Variants in FNDC3A observed in about 807,000 individuals in gnomAD.
The protein encoded by FNDC3A is fibronectin type-III domain-containing protein 3A.
In FNDC3A, 32 loss-of-function variants were observed where a neutral mutation model predicts 148.9. The observed-to-expected ratio is 0.21, with a 90% CI of 0.16 to 0.29. The LOEUF is 0.29. Ranked by LOEUF, FNDC3A falls within the 10% of genes least tolerant of loss-of-function variation. The pLI is 1.00. For synonymous variants in FNDC3A, 472 were observed against 473.6 expected, an observed-to-expected ratio of 1.00 and a Z score of 0.04; for missense variants, 1,191 against 1,452.8, an observed-to-expected ratio of 0.82 and a Z score of 2.93.
intron 8 of FNDC3A, among the ~76,000 whole-genome samples, chr13:49,155,412 TTTTC>T (rs1247368332): frequency 1.3e-5 from 2 of 151,474 alleles, no homozygotes; most frequent in African/African-American, 4.9e-5. Context: ...TTCTCTCTTT[TTTTC>T]TTTATTAGTC....
At chr13:49,038,811 G>A (rs191957282) in intron 2 of FNDC3A, among the ~76,000 whole-genome samples, 1 of 152,276 alleles carries the variant, frequency 6.6e-6, no homozygotes, top group East Asian at 1.9e-4. Context: ...GGGATAAGGC[G>A]AGAAAGTTAA....
intron 2 of FNDC3A, among the ~76,000 whole-genome samples, chr13:49,030,529 G>A (rs1416577993): frequency 1.3e-5 from 2 of 152,044 alleles, no homozygotes; most frequent in Admixed American, 6.5e-5. Flanking sequence ...GGGCAAATAA[G>A]TAACTAAAGG....
intron 2 of FNDC3A, among the ~76,000 whole-genome samples, chr13:49,024,134 C>T (rs150941835): frequency 9.7e-4 from 147 of 151,758 alleles, no homozygotes; most frequent in African/African-American, 3.2e-3. Flanking sequence ...TAGAGGAAAT[C>T]GATAAATTAC....
intron 8 of FNDC3A, among the ~76,000 whole-genome samples, chr13:49,158,487 C>G (rs375443929): frequency 6.6e-6 from 1 of 152,192 alleles, no homozygotes; most frequent in African/African-American, 2.4e-5. Context: ...TCTTCTGCGT[C>G]GCTCACGCTG....
At position 49,095,054 on chromosome 13, in the gene FNDC3A, A is replaced by G. The variant is rs568753224; in HGVS notation, c.176-19601A>G. Among the ~76,000 whole-genome samples the G allele has an allele frequency of 1.3e-4, 20 of 152,122 alleles. No individual in the cohort carries two copies. The South Asian group carries it at 3.9e-3, about 30-fold the overall frequency. On this transcript the variant is annotated intron_variant, in intron 3 of 25. Coordinates refer to ENST00000492622, the MANE Select transcript of FNDC3A (RefSeq NM_001079673.2). ...TTTATACTTTACATATAATTTGATAATGTCAACATGAATTTCATAAATAAT... is the reference window on the plus strand; with the variant it reads ...TTTATACTTTACATATAATTTGATAGTGTCAACATGAATTTCATAAATAAT...
intron 11 of FNDC3A, among the ~76,000 whole-genome samples, chr13:49,174,025 G>A (rs1321050955): frequency 1.3e-5 from 2 of 152,094 alleles, no homozygotes; most frequent in Admixed American, 1.3e-4. Flanking sequence ...GTTTGGGCAT[G>A]GGTAAGGACC....
At chr13:49,020,346 G>GGAT (rs1262563428) in intron 2 of FNDC3A, among the ~76,000 whole-genome samples, 2 of 152,062 alleles carry the variant, frequency 1.3e-5, no homozygotes, top group African/African-American at 4.8e-5. Context: ...CTAAGAGAGG[G>GGAT]GATAAAAATT....
intron 1 of FNDC3A, among the ~76,000 whole-genome samples, chr13:48,977,381 G>A (rs1180278406): frequency 6.6e-6 from 1 of 152,200 alleles, no homozygotes; most frequent in Non-Finnish European, 1.5e-5. Flanking sequence ...ACCAGCTCCA[G>A]TACTAAACAT....
intron 7 of FNDC3A, among the ~76,000 whole-genome samples, chr13:49,140,415 A>T (rs892186874): frequency 6.6e-6 from 1 of 152,218 alleles, no homozygotes; most frequent in African/African-American, 2.4e-5. Context: ...CTTACTCAAC[A>T]TTAGGAAGAA....
chr13:49,032,998 C>G (rs1434497509), intron 2 of FNDC3A, among the ~76,000 whole-genome samples: 1 of 151,960 alleles, frequency 6.6e-6, no homozygotes, highest in Non-Finnish European at 1.5e-5. Flanking sequence ...TATTATCAAT[C>G]TTTCTTTGAT....
chr13:49,063,835 C>G (rs1483250795), intron 2 of FNDC3A, among the ~76,000 whole-genome samples: 3 of 151,942 alleles, frequency 2.0e-5, no homozygotes, highest in Non-Finnish European at 4.4e-5. Flanking sequence ...AACCCAGAAG[C>G]TATAAAGGAA....
intron 9 of FNDC3A, among the ~76,000 whole-genome samples, 175 bp from the exon 10 acceptor site, chr13:49,168,438 G>GA (rs891004819): frequency 6.1e-5 from 9 of 147,158 alleles, no homozygotes; most frequent in African/African-American, 1.5e-4. Context: ...CAGCAAAAAA[G>GA]AAAAAAAAAC....
chr13:49,083,587 CTA>C (rs1444217121), intron 3 of FNDC3A, among the ~76,000 whole-genome samples: 4 of 152,090 alleles, frequency 2.6e-5, no homozygotes, highest in African/African-American at 9.7e-5. Flanking sequence ...TTATAAAACA[CTA>C]TAGAAATGCG....
intron 3 of FNDC3A, among the ~76,000 whole-genome samples, chr13:49,088,451 A>G (rs1020898592): frequency 1.3e-5 from 2 of 152,322 alleles, no homozygotes; most frequent in African/African-American, 4.8e-5. Context: ...AACTATTGTG[A>G]TCATATACTA....
intron 11 of FNDC3A, among the ~76,000 whole-genome samples, chr13:49,172,463 G>C (rs1884805624): frequency 6.6e-6 from 1 of 152,082 alleles, no homozygotes; most frequent in Non-Finnish European, 1.5e-5. Context: ...AATCCAAAAT[G>C]AGTTTCTCTG....
chr13:49,013,934 T>C lies in FNDC3A; in HGVS notation c.99+7645T>C, dbSNP rs1952430075. On this transcript the variant is annotated intron_variant, in intron 2 of 25. Transcript: ENST00000492622. ...CCCACAAAGGACATGAACTCATCAT[T>C]TTTTATAGCTGCATAGTATTCCATG... Among the ~76,000 whole-genome samples, 3 of 151,954 alleles carry C rather than the reference T, an allele frequency of 2.0e-5. No individual in the cohort carries two copies. In the South Asian group the frequency reaches 6.3e-4, roughly 32 times the overall value.
Position 49,120,234 on chromosome 13 carries a change from C to CA in FNDC3A, c.252+5506dup, listed in dbSNP as rs1881244193. 3.9e-5 allele frequency among the ~76,000 whole-genome samples: 6 copies of CA among 152,240 alleles called. No homozygotes were observed. In the South Asian group the frequency reaches 1.2e-3, roughly 32 times the overall value. On this transcript the variant is annotated intron_variant, in intron 4 of 25. Coordinates refer to ENST00000492622, the MANE Select transcript of FNDC3A (RefSeq NM_001079673.2). Reference sequence around the variant, plus strand: ...TTCAACCCAGAATTTCATATCCAACCAAACTAAGCTTCATAAGCGAAGGAG... The same window carrying CA: ...TTCAACCCAGAATTTCATATCCAACCAAAACTAAGCTTCATAAGCGAAGGAG...
intron 5 of FNDC3A, among the ~76,000 whole-genome samples, chr13:49,131,708 A>G (rs376691221): frequency 4.6e-5 from 7 of 152,214 alleles, no homozygotes; most frequent in African/African-American, 1.7e-4. Flanking sequence ...GTTAAATCCT[A>G]TTGGCTGTGA....
chr13:49,112,030 A>C (rs1880612360), intron 3 of FNDC3A, among the ~76,000 whole-genome samples: 1 of 152,190 alleles, frequency 6.6e-6, no homozygotes, highest in East Asian at 1.9e-4. Flanking sequence ...TATTTCTGGT[A>C]AAAGGAGGGC....
Sources: gnomAD v4.1 joint callset for allele counts (sites outside exome capture counted in the v4.1 genomes callset) on GRCh38, gnomAD v4.1.1 for gene constraint, MANE v1.5 for transcripts, NCBI Gene and HGNC (gene_info 2026-07-23, HGNC 2026-07-21) for gene names.